The following TUBGCP3 variants were observed in gnomAD, a reference collection of about 807,000 sequenced individuals.
TUBGCP3 encodes tubulin gamma complex component 3, also known as gamma-tubulin complex component 3.
Under a neutral mutation model 123.1 loss-of-function variants are expected in TUBGCP3, and 50 were observed. The ratio of observed to expected loss-of-function variants is 0.41; its 90% CI spans 0.32 to 0.51. The LOEUF (loss-of-function observed/expected upper bound fraction) is 0.51. Ranked by LOEUF, TUBGCP3 falls within the 20% of genes least tolerant of loss-of-function variation. The pLI is 0.36. For missense variants in TUBGCP3, 882 were observed against 1,127.0 expected, an observed-to-expected ratio of 0.78 and a Z score of 3.11; for synonymous variants, 405 against 413.9, an observed-to-expected ratio of 0.98 and a Z score of 0.26.
Position 112,485,137 on chromosome 13 carries a change from T to C in TUBGCP3, c.*856A>G, listed in dbSNP as rs1555335622. 5.9e-5 allele frequency: 9 copies of C among 152,664 alleles called. No individual in the cohort carries two copies. In the South Asian group the frequency reaches 1.9e-3, roughly 32 times the overall value. 9.5% of individuals were successfully genotyped at this position (152,664 alleles called of 1,614,324 possible). The stretch of plus-strand genomic sequence containing the variant: ...CACCCCAACATCTTGGTCAGTAGTA[T>C]ATAAATATTTACAATGAAAAAATAG... On this transcript the variant is annotated 3_prime_UTR_variant, in exon 22 of 22. Coordinates refer to ENST00000261965, the MANE Select transcript of TUBGCP3 (RefSeq NM_006322.6).
At chr13:112,563,261 G>A (rs1002302473) in intron 3 of TUBGCP3, among the ~76,000 whole-genome samples, 5 of 152,084 alleles carry the variant, frequency 3.3e-5, no homozygotes, top group Non-Finnish European at 5.9e-5. Context: ...ACCCACATAC[G>A]GGGCCCTAAC....
At chr13:112,500,082 G>A (rs1049500077) in intron 19 of TUBGCP3, among the ~76,000 whole-genome samples, 6 of 152,102 alleles carry the variant, frequency 3.9e-5, no homozygotes, top group African/African-American at 1.4e-4. Flanking sequence ...GGCTTTTCAC[G>A]GACCACTGAT....
chr13:112,552,394 A>C (rs1361969841), intron 8 of TUBGCP3, among the ~76,000 whole-genome samples: 1 of 152,218 alleles, frequency 6.6e-6, no homozygotes, highest in African/African-American at 2.4e-5. Context: ...CTGGCTCCTG[A>C]GGGGACGGCC....
chr13:112,509,678 T>C (rs1392171608), intron 17 of TUBGCP3, among the ~76,000 whole-genome samples: 1 of 152,244 alleles, frequency 6.6e-6, no homozygotes, highest in Non-Finnish European at 1.5e-5. Context: ...GAGAGACATA[T>C]GGTTGCTGCT....
At chr13:112,501,334 TG>T (rs1880892830) in intron 19 of TUBGCP3, among the ~76,000 whole-genome samples, 1 of 152,276 alleles carries the variant, frequency 6.6e-6, no homozygotes, top group South Asian at 2.1e-4. Flanking sequence ...TAATTTATTA[TG>T]TTTGGAAGAG....
chr13:112,559,351 T>A lies in TUBGCP3; in HGVS notation c.301A>T (p.Ser101Cys). 1 of 1,612,014 alleles carries A rather than the reference T, an allele frequency of 6.2e-7. No homozygotes were observed. The highest frequency in any genetic ancestry group is 8.5e-7 in the Non-Finnish European group (1 of 1,178,968). Residue 101 changes from serine (S) to cysteine (C), a missense_variant, in exon 4 of 22, where the codon AGT becomes TGT. Coordinates refer to ENST00000261965, the MANE Select transcript of TUBGCP3 (RefSeq NM_006322.6). ...CTTGGCTGCCTGCGTGGGTCCTCAC[T>A]GAGGCTCAGCAAGAGGTAGAGTATT... is the stretch of plus-strand genomic sequence containing the variant. ...WSILYLLLSL[S>C]EDPRRQPSKV...
chr13:112,524,262 GT>G lies in TUBGCP3; in HGVS notation c.1556-1754del, dbSNP rs1276089005. Among the ~76,000 whole-genome samples, 1 of 152,288 alleles carries G rather than the reference GT, an allele frequency of 6.6e-6. No individual in the cohort carries two copies. The highest frequency in any genetic ancestry group is 1.9e-4 in the East Asian group (1 of 5,184). On this transcript the variant is annotated intron_variant, in intron 13 of 21. Transcript: ENST00000261965. This position sits in a 1 kb window ranked among gnomAD's most constrained non-coding sequence, Gnocchi z 4.4. ...TGCAAATAGCTGTTAAATTGTCTTG[GT>G]TTTTTGTGTATTTTTTTAGTGGCTG...
At chr13:112,513,350 G>A (rs968666394) in intron 17 of TUBGCP3, among the ~76,000 whole-genome samples, 11 of 152,196 alleles carry the variant, frequency 7.2e-5, no homozygotes, top group Non-Finnish European at 1.5e-4. Context: ...TGGTAGAGGC[G>A]TGAAAAGCAG....
chr13:112,499,449 G>A (rs537583155), intron 19 of TUBGCP3, among the ~76,000 whole-genome samples: 32 of 152,236 alleles, frequency 2.1e-4, no homozygotes, highest in South Asian at 8.3e-4. Flanking sequence ...GTCCCACGGC[G>A]GGCCAGGAGC....
At chr13:112,557,228 T>C (rs1787117520) in intron 5 of TUBGCP3, among the ~76,000 whole-genome samples, 1 of 152,236 alleles carries the variant, frequency 6.6e-6, no homozygotes, top group Non-Finnish European at 1.5e-5. Context: ...TAAATGAGAA[T>C]GTCAATTGAT....
intron 21 of TUBGCP3, among the ~76,000 whole-genome samples, chr13:112,489,121 C>T (rs1446852084): frequency 6.9e-6 from 1 of 144,582 alleles, no homozygotes; most frequent in Non-Finnish European, 1.5e-5. Flanking sequence ...CCCAGGTCCC[C>T]ACATCCCACC....
chr13:112,545,758 CA>C lies in TUBGCP3; in HGVS notation c.1275del (p.Val426PhefsTer2). 1 of 1,614,158 alleles carries C rather than the reference CA, an allele frequency of 6.2e-7. No homozygotes were observed. The highest frequency in any genetic ancestry group is 8.5e-7 in the Non-Finnish European group (1 of 1,180,030). On this transcript the variant is annotated frameshift_variant, in exon 11 of 22. Coordinates refer to ENST00000261965, the MANE Select transcript of TUBGCP3 (RefSeq NM_006322.6). LOFTEE classifies it high-confidence loss of function. This position sits in a 1 kb window ranked among gnomAD's most constrained non-coding sequence, Gnocchi z 4.1. Reference sequence around the variant, plus strand: ...ATCCAGCGGTACAGGAAGCTCAAAACAGGATGAGACACGAGGCTGAGGATGT... The same window carrying C: ...ATCCAGCGGTACAGGAAGCTCAAAACGGATGAGACACGAGGCTGAGGATGT... ...VQHILSLVSH[P>X]VLSFLYRWIY...
chr13:112,587,271 T>A (rs1048434528), intron 1 of TUBGCP3: 2 of 152,280 alleles, frequency 1.3e-5, no homozygotes, highest in African/African-American at 4.8e-5. Context: ...ATATTCGCCA[T>A]GTGAACTTTC....
intron 1 of TUBGCP3, among the ~76,000 whole-genome samples, chr13:112,582,937 C>G (rs1882376373): frequency 6.6e-6 from 1 of 152,196 alleles, no homozygotes; most frequent in Non-Finnish European, 1.5e-5. Flanking sequence ...AGCCATCCCA[C>G]AAGCTGGGCC....
rs569289411 is a variant in TUBGCP3 at position 112,579,349 on chromosome 13, G to C, written c.76+8556C>G. On this transcript the variant is annotated intron_variant, in intron 1 of 21. Transcript: ENST00000261965. ...TGACAGTGGGGCCACGGCATCCCTGGAGCTCTCCCACACTGCTGAATGCCC... is the reference window on the plus strand; with the variant it reads ...TGACAGTGGGGCCACGGCATCCCTGCAGCTCTCCCACACTGCTGAATGCCC... Among the ~76,000 whole-genome samples the C allele has an allele frequency of 1.0e-4, 15 of 148,936 alleles. No homozygotes were observed. The South Asian group carries it at 1.9e-3, about 19-fold the overall frequency.
rs191734988 is a variant in TUBGCP3, at chr13:112,495,340, G to A, written c.2448+3705C>T. On this transcript the variant is annotated intron_variant, in intron 20 of 21. Transcript: ENST00000261965. ...TTCTCTCTGTACTTCCTCTCAGCTC[G>A]TAGCCCTGGCTGGGACCATCAGTGC... Among the ~76,000 whole-genome samples the A allele has an allele frequency of 9.6e-4, 146 of 152,132 alleles. 2 individuals carry two copies. Among genetic ancestry groups the A allele is most frequent in the Admixed American group, 4.0e-3 (61 of 15,282 alleles).
intron 1 of TUBGCP3, among the ~76,000 whole-genome samples, chr13:112,575,172 C>G (rs1486361175): frequency 6.6e-6 from 1 of 152,158 alleles, no homozygotes; most frequent in East Asian, 1.9e-4. Context: ...GAAGAGGAAG[C>G]TGGAAAAAGT....
At chr13:112,553,482 C>T (rs1566573063) in intron 8 of TUBGCP3, among the ~76,000 whole-genome samples, 2 of 152,256 alleles carry the variant, frequency 1.3e-5, no homozygotes, top group African/African-American at 4.8e-5. Flanking sequence ...AGTGGAGATG[C>T]CACGGCTCCT....
intron 21 of TUBGCP3, among the ~76,000 whole-genome samples, chr13:112,488,334 T>C (rs1879814438): frequency 6.7e-6 from 1 of 148,872 alleles, no homozygotes; most frequent in Non-Finnish European, 1.5e-5. Context: ...AATCTTTTCA[T>C]CTCTACTATC....
Sources: gnomAD v4.1 joint callset for allele counts (sites outside exome capture counted in the v4.1 genomes callset) on GRCh38, gnomAD v4.1.1 for gene constraint, Gnocchi (gnomAD v3.1) non-coding constraint, MANE v1.5 for transcripts, NCBI Gene and HGNC (gene_info 2026-07-23, HGNC 2026-07-21) for gene names.